Variants in FRMPD4 observed in about 807,000 individuals in gnomAD.
FRMPD4 encodes the protein FERM and PDZ domain-containing protein 4.
A neutral mutation model predicts 94.1 loss-of-function variants in FRMPD4; 22 were observed. That is an observed-to-expected ratio of 0.23 (90% CI 0.17 to 0.33). The LOEUF (loss-of-function observed/expected upper bound fraction) is 0.33. Among genes scored for constraint, FRMPD4 ranks in the 10% least tolerant of loss-of-function variants. The pLI, the probability that FRMPD4 is intolerant of heterozygous loss-of-function variation, is 1.00. For synonymous variants in FRMPD4, 631 were observed against 548.6 expected (o/e 1.15, Z -2.10); for missense variants, 1,111 against 1,339.9 (o/e 0.83, Z 2.67).
chrX:12,516,520 C>T (rs903214734), intron 2 of FRMPD4, among the ~76,000 whole-genome samples: 19 of 111,511 alleles, frequency 1.7e-4, no homozygotes, highest in African/African-American at 3.6e-4. Context: ...TTGAATAATG[C>T]CCCCCAATCT....
At chrX:12,629,984 G>T (rs963961311) in intron 4 of FRMPD4, among the ~76,000 whole-genome samples, 1 of 112,762 alleles carries the variant, frequency 8.9e-6, no homozygotes, top group African/African-American at 3.2e-5. Flanking sequence ...AAGACTCAGG[G>T]TTTGTAAACA....
intron 1 of FRMPD4, among the ~76,000 whole-genome samples, chrX:11,845,782 A>G (rs1377159685): frequency 9.1e-6 from 1 of 109,675 alleles, no homozygotes; most frequent in Non-Finnish European, 1.9e-5. Context: ...CAAAAACCAC[A>G]TGATTATCTC....
chrX:12,148,310 C>T lies in FRMPD4; in HGVS notation c.41+9298C>T, dbSNP rs768929553. 5.8e-4 allele frequency among the ~76,000 whole-genome samples: 65 copies of T among 112,115 alleles called. 1 individual carries two copies. The highest frequency in any genetic ancestry group is 1.9e-3 in the African/African-American group (59 of 30,872). ...CACAAACGATAAGAAAGTGAAACAG[C>T]CTTATTACTGATATGGAGAAAGTTT... is the stretch of plus-strand genomic sequence containing the variant. On this transcript the variant is annotated intron_variant, in intron 1 of 16. Coordinates refer to ENST00000675598, the MANE Select transcript of FRMPD4 (RefSeq NM_001368397.1).
intron 2 of FRMPD4, among the ~76,000 whole-genome samples, chrX:12,557,762 C>CA (rs2058612120): frequency 9.0e-6 from 1 of 111,493 alleles, no homozygotes; most frequent in Non-Finnish European, 1.9e-5. Context: ...CCCCCCTCCC[C>CA]AGGTGGGCCC....
At chrX:12,071,850 A>T (rs2054971317) in intron 3 of FRMPD4, among the ~76,000 whole-genome samples, 1 of 111,615 alleles carries the variant, frequency 9.0e-6, no homozygotes, top group Admixed American at 9.5e-5. Context: ...CATGTGACCC[A>T]GTAATGAGTG....
chrX:12,175,484 C>T (rs1396199045), intron 1 of FRMPD4, among the ~76,000 whole-genome samples: 2 of 111,426 alleles, frequency 1.8e-5, no homozygotes, highest in Non-Finnish European at 3.8e-5. Flanking sequence ...TTGAGCTCCA[C>T]CCCAGATGCA....
chrX:12,580,461 A>G (rs767164711), intron 2 of FRMPD4, among the ~76,000 whole-genome samples: 3 of 112,134 alleles, frequency 2.7e-5, no homozygotes, highest in Admixed American at 1.9e-4. Context: ...TCCTATACCC[A>G]TGATAAAGTT....
At chrX:12,490,771 T>TC (rs1401169292) in intron 1 of FRMPD4, among the ~76,000 whole-genome samples, 1 of 111,998 alleles carries the variant, frequency 8.9e-6, no homozygotes, top group East Asian at 2.8e-4. Flanking sequence ...GGCTTTTTTT[T>TC]CTACTTTATT....
chrX:12,189,425 C>T (rs749278493), intron 1 of FRMPD4, among the ~76,000 whole-genome samples: 3 of 110,749 alleles, frequency 2.7e-5, no homozygotes, highest in African/African-American at 3.3e-5. Context: ...CTTATGAGGC[C>T]GGCAGTACTC....
At chrX:12,680,478 T>C (rs2059959239) in intron 5 of FRMPD4, among the ~76,000 whole-genome samples, 1 of 112,456 alleles carries the variant, frequency 8.9e-6, no homozygotes, top group Admixed American at 9.4e-5. Flanking sequence ...GCCAGTGGAA[T>C]AAGCCAGTAT....
At chrX:12,648,539 C>G (rs758123068) in intron 4 of FRMPD4, among the ~76,000 whole-genome samples, 1 of 112,047 alleles carries the variant, frequency 8.9e-6, no homozygotes, top group African/African-American at 3.2e-5. Flanking sequence ...TCAAATTCTG[C>G]CCTGCCAGGT....
rs1228262807 is a variant in FRMPD4, at chrX:11,983,315, C to A, written c.95+105297C>A. On this transcript the variant is annotated intron_variant, in intron 3 of 18. Coordinates refer to the FRMPD4 transcript ENST00000640291. ...TATAGCTTCTTAGTGAAAGGGTGGT[C>A]TAGTATACTTCCATTACATTGTCTG... Among the ~76,000 whole-genome samples the A allele has an allele frequency of 2.7e-5, 3 of 112,051 alleles. No individual in the cohort carries two copies. In the South Asian group the frequency reaches 1.1e-3, roughly 41 times the overall value.
chrX:11,899,694 A>G (rs893382237), intron 3 of FRMPD4, among the ~76,000 whole-genome samples: 10 of 111,894 alleles, frequency 8.9e-5, no homozygotes, highest in Non-Finnish European at 1.9e-4. Flanking sequence ...AATGAGCATA[A>G]TTTCAACTGA....
At chrX:12,602,360 G>C (rs2059092822) in intron 2 of FRMPD4, among the ~76,000 whole-genome samples, 2 of 111,367 alleles carry the variant, frequency 1.8e-5, no homozygotes, top group South Asian at 7.7e-4. Flanking sequence ...CTGTGCCCAA[G>C]CCCAAATCCA....
At chrX:12,291,938 T>C (rs1168802280) in intron 1 of FRMPD4, among the ~76,000 whole-genome samples, 1 of 111,938 alleles carries the variant, frequency 8.9e-6, no homozygotes, top group Admixed American at 9.5e-5. Context: ...TTATTTCACT[T>C]CTCTGCTTGA....
At chrX:12,307,727 AT>A (rs1470981834) in intron 1 of FRMPD4, among the ~76,000 whole-genome samples, 1 of 111,984 alleles carries the variant, frequency 8.9e-6, no homozygotes, top group East Asian at 2.8e-4. Context: ...CAATAAAAAA[AT>A]AGGAGTAAAA....
At chrX:12,347,516 G>A (rs1015443164) in intron 1 of FRMPD4, among the ~76,000 whole-genome samples, 5 of 111,715 alleles carry the variant, frequency 4.5e-5, no homozygotes, top group African/African-American at 9.7e-5. Context: ...GATTACAGGC[G>A]TGAGCCACAA....
intron 3 of FRMPD4, among the ~76,000 whole-genome samples, chrX:12,084,177 T>TG (rs370234603): frequency 0.43 from 23,053 of 53,532 alleles, 4,794 homozygotes; most frequent in Middle Eastern, 0.58. Context: ...AGGGACCCAG[T>TG]GGGGGGGGGG....
intron 3 of FRMPD4, among the ~76,000 whole-genome samples, chrX:12,031,272 T>A (rs917221427): frequency 1.8e-5 from 2 of 112,291 alleles, no homozygotes; most frequent in Non-Finnish European, 1.9e-5. Flanking sequence ...ATGTGATGAA[T>A]GCTATTCAGA....
Sources: allele counts gnomAD v4.1 joint callset (sites outside exome capture counted in the v4.1 genomes callset), GRCh38; gene constraint gnomAD v4.1.1; transcripts MANE v1.5; gene names NCBI Gene and HGNC (gene_info 2026-07-23, HGNC 2026-07-21).